Variants in MFAP1 observed in about 807,000 individuals in gnomAD.
MFAP1 encodes the protein microfibrillar-associated protein 1.
A neutral mutation model predicts 62.2 loss-of-function variants in MFAP1; 18 were observed. The ratio of observed to expected loss-of-function variants is 0.29; its 90% confidence interval spans 0.20 to 0.43. MFAP1 has a LOEUF of 0.43. Among genes scored for constraint, MFAP1 ranks in the 20% least tolerant of loss-of-function variants. The pLI, the probability that MFAP1 is intolerant of heterozygous loss-of-function variation, is 1.00. For missense variants in MFAP1, 355 were observed against 559.7 expected, an observed-to-expected ratio of 0.63 and a Z score of 3.69; for synonymous variants, 175 against 180.4, an observed-to-expected ratio of 0.97 and a Z score of 0.24.
At chr15:43,819,717 A>T (rs1034843344) in intron 1 of MFAP1, among the ~76,000 whole-genome samples, 1 of 151,358 alleles carries the variant, frequency 6.6e-6, no homozygotes, top group Non-Finnish European at 1.5e-5. Context: ...TTTTTTAGTA[A>T]AGACAGGGTT....
chr15:43,814,394 C>T, intron 4 of MFAP1, 107 bp downstream of exon 4: 1 of 1,300,136 alleles, frequency 7.7e-7, no homozygotes, highest in Non-Finnish European at 1.1e-6. Context: ...AAAGCACTTT[C>T]ACTCAGCGTT....
At chr15:43,817,118 C>A in intron 2 of MFAP1, 111 bp downstream of exon 2, 1 of 1,102,508 alleles carries the variant, frequency 9.1e-7, no homozygotes, top group Non-Finnish European at 1.3e-6. Context: ...GTATGGATTA[C>A]AAGAATTAGC....
Position 43,805,615 on chromosome 15 carries a change from T to A in MFAP1, c.1048-150A>T, listed in dbSNP as rs977197888. 7.9e-6 allele frequency: 5 copies of A among 629,072 alleles called. No individual in the cohort carries two copies. The African/African-American group carries it at 1.0e-4, about 13-fold the overall frequency. The allele number at this position is 629,072 out of a possible 1,614,324, so 39.0% of individuals were successfully genotyped here. A position where few individuals can be genotyped will look rare whatever the true frequency, so the allele number is the denominator to read the frequency against. ...TTACATCTAGTTGAAGAGATGACAT[T>A]CTTTTTTTTTTTTCTGAGACGGACT... On this transcript the variant is annotated intron_variant, in intron 7 of 8. Coordinates refer to ENST00000267812, the MANE Select transcript of MFAP1 (RefSeq NM_005926.3).
At chr15:43,813,183 A>T in intron 5 of MFAP1, 36 bp from the exon 6 acceptor site, 1 of 1,613,548 alleles carries the variant, frequency 6.2e-7, no homozygotes, top group South Asian at 1.1e-5. Context: ...GGACTTCCTT[A>T]CTCTCCTCAG....
Position 43,813,312 on chromosome 15 carries a change from T to C in MFAP1, c.663A>G (p.Lys221=), listed in dbSNP as rs750737501. ...TVQEREAEAL[K]QKELEQEAKR... is the part of the protein sequence containing the mutation. Reference sequence around the variant, plus strand: ...TTGCTTCCTGCTCCAGCTCCTTCTGTTTCAATGCTTCGGCTTCACGTTCTT... The same window carrying C: ...TTGCTTCCTGCTCCAGCTCCTTCTGCTTCAATGCTTCGGCTTCACGTTCTT... The change falls in exon 5 of 9, where the codon AAA becomes AAG. Residue 221 remains lysine (K), a synonymous_variant. Coordinates refer to ENST00000267812, the MANE Select transcript of MFAP1 (RefSeq NM_005926.3). 29 of 1,611,386 alleles carry C rather than the reference T, an allele frequency of 1.8e-5. No homozygotes were observed. Among genetic ancestry groups the C allele is most frequent in the Middle Eastern group, 1.6e-4 (1 of 6,064 alleles).
In MFAP1 at chr15:43,824,683, C is replaced by G; in HGVS notation, c.-114G>C. The G allele has an allele frequency of 9.7e-7, 1 of 1,034,308 alleles. No homozygotes were observed. Among genetic ancestry groups the G allele is most frequent in the Non-Finnish European group, 1.5e-6 (1 of 674,254 alleles). 64.1% of individuals were successfully genotyped at this position (1,034,308 alleles called of 1,614,324 possible). A position where few individuals can be genotyped will look rare whatever the true frequency, so the allele number is the denominator to read the frequency against. Reference sequence around the variant, plus strand: ...ACCTGAGTCCGCGAACACAGCTGCGCGACTGATAGAGAAACTACTTACGGC... The same window carrying G: ...ACCTGAGTCCGCGAACACAGCTGCGGGACTGATAGAGAAACTACTTACGGC... On this transcript the variant is annotated 5_prime_UTR_variant, in exon 1 of 9. Coordinates refer to ENST00000267812, the MANE Select transcript of MFAP1 (RefSeq NM_005926.3).
chr15:43,810,111 T>A, intron 6 of MFAP1, 197 bp from the exon 7 acceptor site: 1 of 553,618 alleles, frequency 1.8e-6, no homozygotes, highest in Non-Finnish European at 3.0e-6. Flanking sequence ...AGACTAGGTA[T>A]TGCCAACTTT....
Position 43,804,933 on chromosome 15 carries a change from C to T in MFAP1, c.*161G>A. ...GGTTTCTCAGCATGAGTCCAAACCT[C>T]ACAAAGCACCTTCAAAGTCTGGGCT... On this transcript the variant is annotated 3_prime_UTR_variant, in exon 9 of 9. Transcript: ENST00000267812. 1 of 758,368 alleles carries T rather than the reference C, an allele frequency of 1.3e-6. No homozygotes were observed. The allele number at this position is 758,368 out of a possible 1,614,324, so 47.0% of individuals were successfully genotyped here.
chr15:43,813,056 T>C lies in MFAP1; in HGVS notation c.818A>G (p.Glu273Gly). Residue 273 changes from glutamate (E) to glycine (G), a missense_variant, in exon 6 of 9, where the codon GAG becomes GGG. Transcript: ENST00000267812. Reference sequence around the variant, plus strand: ...AACTTTCCATGCCTCATATTCCTCCTCATCATTTTCATCATCAGTATTGAG... The same window carrying C: ...AACTTTCCATGCCTCATATTCCTCCCCATCATTTTCATCATCAGTATTGAG... ...DALNTDDEND[E>G]EEYEAWKVRE... is the part of the protein sequence containing the mutation. 6.2e-7 allele frequency: 1 copy of C among 1,614,196 alleles called. No individual in the cohort carries two copies. Among genetic ancestry groups the C allele is most frequent in the Non-Finnish European group, 8.5e-7 (1 of 1,180,028 alleles).
rs749246546 is a variant in MFAP1, at chr15:43,813,338, G to C, written c.637C>G (p.Gln213Glu). Residue 213 changes from glutamine to glutamate, a missense_variant, in exon 5 of 9, where the codon CAA becomes GAA. Physicochemically the swap from Gln to Glu is conservative, Grantham distance 29. Transcript: ENST00000267812. ...TTCAATGCTTCGGCTTCACGTTCTTGAACTGTCACTCGGTCCTTCCTGCAT... is the reference window on the plus strand; with the variant it reads ...TTCAATGCTTCGGCTTCACGTTCTTCAACTGTCACTCGGTCCTTCCTGCAT... Reference protein sequence around the residue: ...FIRKKDRVTVQEREAEALKQK... With the variant: ...FIRKKDRVTVEEREAEALKQK... 6.2e-7 allele frequency: 1 copy of C among 1,609,430 alleles called. No homozygotes were observed. The highest frequency in any genetic ancestry group is 2.2e-5 in the East Asian group (1 of 44,856).
At chr15:43,807,179 C>T (rs1458982822) in intron 7 of MFAP1, among the ~76,000 whole-genome samples, 2 of 151,602 alleles carry the variant, frequency 1.3e-5, no homozygotes, top group East Asian at 2.0e-4. Flanking sequence ...GGAGAAACCC[C>T]GTCTCTACTA....
intron 4 of MFAP1, among the ~76,000 whole-genome samples, chr15:43,814,002 C>T (rs2087419252): frequency 6.6e-6 from 1 of 152,080 alleles, no homozygotes; most frequent in African/African-American, 2.4e-5. Flanking sequence ...GCCTGTAATC[C>T]TAGCACTTTG....
At chr15:43,814,454 G>A (rs1219805081) in intron 4 of MFAP1, 47 bp downstream of exon 4, 1 of 1,544,762 alleles carries the variant, frequency 6.5e-7, no homozygotes, top group South Asian at 1.2e-5. Flanking sequence ...TCCAGGCCTG[G>A]AAAGTGGTAA....
intron 1 of MFAP1, among the ~76,000 whole-genome samples, chr15:43,822,964 G>C (rs986292749): frequency 4.6e-5 from 7 of 150,834 alleles, no homozygotes; most frequent in Non-Finnish European, 7.4e-5. Context: ...TCAGCCTACC[G>C]AGTAGCTGGG....
rs1460388422 is a variant in MFAP1, at chr15:43,814,505, G to T, written c.613C>A (p.Arg205=). ...MEPRLKPVFI[R]KKDRVTVQER... is the part of the protein sequence containing the mutation. ...TCTGGCTTGTGAGATACTTACTTTCGAATGAAGACTGGCTTAAGGCGAGGC... is the reference window on the plus strand; with the variant it reads ...TCTGGCTTGTGAGATACTTACTTTCTAATGAAGACTGGCTTAAGGCGAGGC... Residue 205 remains arginine (R), a synonymous_variant, in exon 4 of 9, where the codon CGA becomes AGA. Transcript: ENST00000267812. The T allele has an allele frequency of 1.9e-6, 3 of 1,605,154 alleles. No homozygotes were observed. The highest frequency in any genetic ancestry group is 2.6e-6 in the Non-Finnish European group (3 of 1,174,882).
In MFAP1 at chr15:43,814,653, T is replaced by C. The variant is rs2087423243; in HGVS notation, c.465A>G (p.Arg155=). 6.2e-7 allele frequency: 1 copy of C among 1,614,020 alleles called. No homozygotes were observed. Among genetic ancestry groups the C allele is most frequent in the Admixed American group, 1.7e-5 (1 of 59,992 alleles). Residue 155 remains arginine, a synonymous_variant, in exon 4 of 9, where the codon CGA becomes CGG. Coordinates refer to ENST00000267812, the MANE Select transcript of MFAP1 (RefSeq NM_005926.3). ...TCTCTTCATTTTTTCTCTCCTGTGC[T>C]CGCTGACGCATCATGCCACGCCGCC... The part of the protein sequence containing the change: ...IERRRGMMRQ[R]AQERKNEEME...
chr15:43,822,119 C>T (rs561161745), intron 1 of MFAP1, among the ~76,000 whole-genome samples: 2 of 149,320 alleles, frequency 1.3e-5, no homozygotes, highest in East Asian at 2.0e-4. Flanking sequence ...TGCCCAGCAT[C>T]GGCCGGACGC....
chr15:43,814,896 A>T, intron 3 of MFAP1, 49 bp downstream of exon 3: 1 of 1,607,542 alleles, frequency 6.2e-7, no homozygotes. Context: ...CACTGGCATG[A>T]ACTTTTTCTT....
At chr15:43,810,115 C>T (rs1168927635) in intron 6 of MFAP1, 3 of 537,512 alleles carry the variant, frequency 5.6e-6, no homozygotes, top group Non-Finnish European at 9.4e-6. Flanking sequence ...TAGGTATTGC[C>T]AACTTTCAAA....
Sources: allele counts gnomAD v4.1 joint callset (sites outside exome capture counted in the v4.1 genomes callset), GRCh38; gene constraint gnomAD v4.1.1; transcripts MANE v1.5; gene names NCBI Gene and HGNC (gene_info 2026-07-23, HGNC 2026-07-21).